Variants in ATP13A2 observed in about 807,000 individuals in gnomAD.
The protein encoded by ATP13A2 is polyamine-transporting ATPase 13A2.
Under a neutral mutation model 138.3 loss-of-function variants are expected in ATP13A2, and 83 were observed. The observed-to-expected ratio is 0.60, with a 90% confidence interval of 0.50 to 0.72. ATP13A2 has a LOEUF of 0.72. Among genes scored for constraint, ATP13A2 ranks in the 30% least tolerant of loss-of-function variants. The pLI is 0.00. For synonymous variants in ATP13A2, 663 were observed against 699.0 expected, an observed-to-expected ratio of 0.95 and a Z score of 0.81; for missense variants, 1,402 against 1,606.4, an observed-to-expected ratio of 0.87 and a Z score of 2.17.
intron 16 of ATP13A2, 124 bp downstream of exon 16, chr1:16,993,505 G>A: frequency 9.9e-7 from 1 of 1,006,914 alleles, no homozygotes; most frequent in Non-Finnish European, 1.4e-6. Context: ...ACTGCGCCTG[G>A]CCTATTATTA....
Position 16,986,972 on chromosome 1 carries a change from TG to T in ATP13A2, c.3084-17del, listed in dbSNP as rs771603791. 2 of 1,530,812 alleles carry T rather than the reference TG, an allele frequency of 1.3e-6. No homozygotes were observed. Among genetic ancestry groups the T allele is most frequent in the South Asian group, 2.3e-5 (2 of 88,800 alleles). 94.8% of individuals were successfully genotyped at this position (1,530,812 alleles called of 1,614,324 possible). On this transcript the variant is annotated splice_polypyrimidine_tract_variant and intron_variant, in intron 26 of 28. Transcript: ENST00000326735. This position sits in a 1 kb window ranked among gnomAD's most constrained non-coding sequence, Gnocchi z 6.9. ...AGGCACGAACCTGGGGGTACAGGGA[TG>T]GGGGTCAGGGAACGAACGTGGGGTG...
rs759920062 is a variant in ATP13A2, at chr1:16,991,815, T to C, written c.2170A>G (p.Met724Val). The change falls in exon 20 of 29, where the codon ATG becomes GTG. Residue 724 changes from methionine to valine, a missense_variant. Coordinates refer to ENST00000326735, the MANE Select transcript of ATP13A2 (RefSeq NM_022089.4). ...GTCTGCGGCTTCAGTAGGTTCCTCA[T>C]GACCAGCAGCCCCAGGAGGCTCAGG... Reference protein sequence around the residue: ...GDLSLLGLLVMRNLLKPQTTP... With the variant: ...GDLSLLGLLVVRNLLKPQTTP... 6.8e-6 allele frequency: 11 copies of C among 1,614,182 alleles called. No homozygotes were observed. Among genetic ancestry groups the C allele is most frequent in the Admixed American group, 3.3e-5 (2 of 60,030 alleles).
At chr1:17,010,374 G>A (rs1196239957) in intron 1 of ATP13A2, among the ~76,000 whole-genome samples, 1 of 152,126 alleles carries the variant, frequency 6.6e-6, no homozygotes, top group African/African-American at 2.4e-5. Context: ...CACCACGCCT[G>A]GCCTGTCATT....
intron 1 of ATP13A2, among the ~76,000 whole-genome samples, chr1:17,006,250 G>A (rs1410909746): frequency 1.5e-5 from 2 of 136,384 alleles, no homozygotes; most frequent in African/African-American, 2.9e-5. Context: ...CTTACTTACC[G>A]TATCTTTTTT....
intron 11 of ATP13A2, among the ~76,000 whole-genome samples, chr1:16,997,418 G>GC (rs951124767): frequency 7.0e-6 from 1 of 143,728 alleles, no homozygotes; most frequent in African/African-American, 2.6e-5. Flanking sequence ...AACCAGCGGG[G>GC]GGGGGTGGGT....
chr1:16,992,225 A>AG lies in ATP13A2; in HGVS notation c.2005+17dup. 6.2e-7 allele frequency: 1 copy of AG among 1,612,122 alleles called. No homozygotes were observed. On this transcript the variant is annotated intron_variant, in intron 18 of 28. Coordinates refer to ENST00000326735, the MANE Select transcript of ATP13A2 (RefSeq NM_022089.4). The stretch of plus-strand genomic sequence containing the variant: ...TGCCAATGCCCAACCAGGGGGACTC[A>AG]GGGGCTTCCCCCTGCACCTGTCTCG...
intron 25 of ATP13A2, 98 bp from the exon 26 acceptor site, chr1:16,987,367 G>A: frequency 1.7e-6 from 2 of 1,146,650 alleles, no homozygotes; most frequent in East Asian, 5.1e-5. Flanking sequence ...GAAGGAATCT[G>A]ATGGGTAAGG....
intron 12 of ATP13A2, 42 bp from the exon 13 acceptor site, chr1:16,996,538 G>T: frequency 6.5e-7 from 1 of 1,539,826 alleles, no homozygotes; most frequent in Non-Finnish European, 9.0e-7. Flanking sequence ...AAGCCAGGGT[G>T]AGGGCAGGCC....
At chr1:17,001,480 C>T (rs2077355426) in intron 8 of ATP13A2, among the ~76,000 whole-genome samples, 1 of 152,058 alleles carries the variant, frequency 6.6e-6, no homozygotes, top group South Asian at 2.1e-4. Flanking sequence ...TTCTAAGTGA[C>T]AGACTGATTT....
chr1:17,004,498 T>C lies in ATP13A2; in HGVS notation c.478-87A>G. 1 of 1,547,638 alleles carries C rather than the reference T, an allele frequency of 6.5e-7. No homozygotes were observed. The highest frequency in any genetic ancestry group is 8.8e-7 in the Non-Finnish European group (1 of 1,130,698). On this transcript the variant is annotated intron_variant, in intron 5 of 28. Coordinates refer to ENST00000326735, the MANE Select transcript of ATP13A2 (RefSeq NM_022089.4). The surrounding 1 kb of genome is among the most constrained non-coding windows in gnomAD (Gnocchi z 4.1). ...TATGCTGGGAGCCGAGGGATGGGGGTAGGGGGCAGGGACTGGTGTCACCAG... is the reference window on the plus strand; with the variant it reads ...TATGCTGGGAGCCGAGGGATGGGGGCAGGGGGCAGGGACTGGTGTCACCAG...
intron 11 of ATP13A2, 104 bp from the exon 12 acceptor site, chr1:16,997,279 C>A: frequency 7.2e-7 from 1 of 1,394,256 alleles, no homozygotes; most frequent in Non-Finnish European, 1.0e-6. Context: ...TCTCAGTTAA[C>A]TCTGTAACCA....
chr1:16,996,958 T>A, intron 12 of ATP13A2, 62 bp downstream of exon 12: 4 of 1,573,662 alleles, frequency 2.5e-6, no homozygotes, highest in Non-Finnish European at 3.4e-6. Context: ...CCTGCCTCAC[T>A]CCACCTCTCC....
chr1:17,000,006 C>T lies in ATP13A2; in HGVS notation c.1039+5G>A. 6.2e-7 allele frequency: 1 copy of T among 1,602,414 alleles called. No individual in the cohort carries two copies. Among genetic ancestry groups the T allele is most frequent in the Non-Finnish European group, 8.5e-7 (1 of 1,173,626 alleles). On this transcript the variant is annotated splice_donor_5th_base_variant and intron_variant, in intron 11 of 28. Coordinates refer to ENST00000326735, the MANE Select transcript of ATP13A2 (RefSeq NM_022089.4). ...GAAGCTGCAGGCCAGGGGCTGGGGG[C>T]TCACCTGTCAGAGAGCTCTCATTCA...
chr1:16,996,722 T>A, intron 12 of ATP13A2: 1 of 617,766 alleles, frequency 1.6e-6, no homozygotes, highest in Non-Finnish European at 2.9e-6. Flanking sequence ...GTGGTTCCAC[T>A]GAAAATCCAG....
chr1:17,006,210 T>C (rs909733703), intron 1 of ATP13A2, among the ~76,000 whole-genome samples: 3 of 151,458 alleles, frequency 2.0e-5, no homozygotes, highest in Non-Finnish European at 4.4e-5. Context: ...TCTTCCTGTG[T>C]CCTTTATCTG....
chr1:16,991,692 G>A lies in ATP13A2; in HGVS notation c.2251+42C>T, dbSNP rs373300993. 74 of 1,613,774 alleles carry A rather than the reference G, an allele frequency of 4.6e-5. No individual in the cohort carries two copies. The African/African-American group carries it at 5.5e-4, about 12-fold the overall frequency. Reference sequence around the variant, plus strand: ...CCCCTCTTCTCTGCCAGGAAGGGGCGGATTCTGCCCTGCTAGCCCGGGCCC... The same window carrying A: ...CCCCTCTTCTCTGCCAGGAAGGGGCAGATTCTGCCCTGCTAGCCCGGGCCC... On this transcript the variant is annotated intron_variant, in intron 20 of 28. Transcript: ENST00000326735.
chr1:16,998,115 C>T lies in ATP13A2; in HGVS notation c.1040-940G>A, dbSNP rs368200224. Among the ~76,000 whole-genome samples the T allele has an allele frequency of 3.9e-5, 6 of 152,224 alleles. No individual in the cohort carries two copies. In the South Asian group the frequency reaches 1.0e-3, roughly 26 times the overall value. ...AGACAATCCTGCCATGTCTGCCTCA[C>T]AAGAGATGAGCAGATGAAGTATGTG... On this transcript the variant is annotated intron_variant, in intron 11 of 28. Coordinates refer to ENST00000326735, the MANE Select transcript of ATP13A2 (RefSeq NM_022089.4).
intron 1 of ATP13A2, among the ~76,000 whole-genome samples, chr1:17,006,791 G>A (rs898252574): frequency 5.3e-5 from 8 of 152,160 alleles, no homozygotes; most frequent in Admixed American, 1.3e-4. Flanking sequence ...GTGAGGAGAT[G>A]CAAAGTCAAG....
Position 16,986,338 on chromosome 1 carries a change from G to A in ATP13A2, c.3426C>T (p.Leu1142=), listed in dbSNP as rs959029475. 3.2e-6 allele frequency: 5 copies of A among 1,580,364 alleles called. No homozygotes were observed. Among genetic ancestry groups the A allele is most frequent in the Non-Finnish European group, 4.3e-6 (5 of 1,165,232 alleles). ...GCCGGAGGCGGCGCAGGCAGGCGGG[G>A]AGGCACTGGTCTAGCACGCTCTGCA... ...FMLESVLDQC[L]PACLRRLRPK... is the part of the protein sequence containing the mutation. Residue 1142 remains leucine, a synonymous_variant, in exon 29 of 29, where the codon CTC becomes CTT. Coordinates refer to ENST00000326735, the MANE Select transcript of ATP13A2 (RefSeq NM_022089.4). This position sits in a 1 kb window ranked among gnomAD's most constrained non-coding sequence, Gnocchi z 6.9.
Sources: gnomAD v4.1 joint callset for allele counts (sites outside exome capture counted in the v4.1 genomes callset) on GRCh38, gnomAD v4.1.1 for gene constraint, Gnocchi (gnomAD v3.1) non-coding constraint, MANE v1.5 for transcripts, NCBI Gene and HGNC (gene_info 2026-07-23, HGNC 2026-07-21) for gene names.